Variants in DCC observed in about 807,000 individuals in gnomAD.
DCC encodes DCC netrin 1 receptor.
DCC carries 58 observed loss-of-function variants against 172.5 expected under a neutral mutation model. The observed-to-expected ratio is 0.34, with a 90% CI of 0.27 to 0.42. DCC has a LOEUF of 0.42. Ranked by LOEUF, DCC falls within the 10% of genes least tolerant of loss-of-function variation. The pLI, the probability that DCC is intolerant of heterozygous loss-of-function variation, is 1.00. For missense variants in DCC, 1,740 were observed against 1,791.0 expected (o/e 0.97, Z 0.51); for synonymous variants, 709 against 644.5 (o/e 1.10, Z -1.52).
chr18:53,388,797 T>A (rs1475714746), intron 16 of DCC, among the ~76,000 whole-genome samples: 1 of 152,214 alleles, frequency 6.6e-6, no homozygotes, highest in Non-Finnish European at 1.5e-5. Context: ...AAAGTTCATT[T>A]TTTTTGAGAT....
chr18:52,975,784 G>A (rs1360527197), intron 5 of DCC, among the ~76,000 whole-genome samples: 1 of 152,172 alleles, frequency 6.6e-6, no homozygotes, highest in African/African-American at 2.4e-5. Flanking sequence ...TTGATTCCAT[G>A]TGTTTGCTAT....
chr18:53,482,045 C>A (rs368187681), intron 25 of DCC, among the ~76,000 whole-genome samples: 46 of 151,860 alleles, frequency 3.0e-4, no homozygotes, highest in African/African-American at 1.0e-3. Flanking sequence ...TGAGTTGAAG[C>A]ATTTGTGTGT....
intron 7 of DCC, among the ~76,000 whole-genome samples, chr18:53,108,182 A>ACAC (rs111941549): frequency 2.0e-5 from 3 of 151,142 alleles, no homozygotes; most frequent in South Asian, 2.1e-4. Context: ...TACACAGAAA[A>ACAC]ACACACACAC....
chr18:52,625,580 ACATGCTT>A (rs2034558428), intron 1 of DCC, among the ~76,000 whole-genome samples: 1 of 152,110 alleles, frequency 6.6e-6, no homozygotes, highest in South Asian at 2.1e-4. Context: ...CATTACATTA[ACATGCTT>A]TGGTGTTGTC....
At chr18:53,050,969 C>T (rs1444085035) in intron 5 of DCC, among the ~76,000 whole-genome samples, 1 of 152,154 alleles carries the variant, frequency 6.6e-6, no homozygotes, top group Non-Finnish European at 1.5e-5. Context: ...GTGGCTTATG[C>T]CTGTAATTTC....
At chr18:52,402,927 C>A (rs1022408397) in intron 1 of DCC, among the ~76,000 whole-genome samples, 7 of 152,012 alleles carry the variant, frequency 4.6e-5, no homozygotes, top group Non-Finnish European at 1.0e-4. Context: ...ATTATTAAAA[C>A]AGTACAGTCA....
At chr18:53,517,448 TAATAATAATAATAA>T (rs1364967890) in intron 27 of DCC, among the ~76,000 whole-genome samples, 1 of 140,716 alleles carries the variant, frequency 7.1e-6, no homozygotes, top group Non-Finnish European at 1.5e-5. Context: ...TAAAATATAA[TAATAATAATAATAA>T]TAATAATAAT....
chr18:52,458,088 C>G (rs1228999776), intron 1 of DCC, among the ~76,000 whole-genome samples: 2 of 152,190 alleles, frequency 1.3e-5, no homozygotes, highest in Non-Finnish European at 2.9e-5. Context: ...CACTGGCACA[C>G]AGAAGCCTAT....
chr18:53,402,963 C>T (rs1434497228), intron 19 of DCC, 70 bp downstream of exon 19: 25 of 1,059,060 alleles, frequency 2.4e-5, no homozygotes, highest in Non-Finnish European at 3.6e-5. Flanking sequence ...CCTACATGAG[C>T]TGCTCCTGCC....
chr18:53,429,109 T>G (rs867527368), intron 21 of DCC, among the ~76,000 whole-genome samples: 1 of 86,800 alleles, frequency 1.2e-5, no homozygotes, highest in Non-Finnish European at 2.6e-5. Flanking sequence ...ATATATAATA[T>G]ATATATTTTA....
At chr18:52,621,915 G>A (rs17828701) in intron 1 of DCC, among the ~76,000 whole-genome samples, 3,215 of 152,212 alleles carry the variant, frequency 0.021, 105 homozygotes, top group East Asian at 0.091. Context: ...CACAACTCCA[G>A]ACTTGCTAAT....
chr18:52,549,127 A>G (rs536435163), intron 1 of DCC, among the ~76,000 whole-genome samples: 1 of 151,892 alleles, frequency 6.6e-6, no homozygotes, highest in Non-Finnish European at 1.5e-5. Context: ...ACAAACTTAA[A>G]CCTTCAGTGA....
chr18:52,998,193 C>A (rs544980850), intron 5 of DCC, among the ~76,000 whole-genome samples: 1 of 151,980 alleles, frequency 6.6e-6, no homozygotes. Context: ...ATGGGCAGTG[C>A]GGGAATAGAA....
chr18:52,900,317 A>T (rs1190043749), intron 2 of DCC, among the ~76,000 whole-genome samples: 1 of 152,228 alleles, frequency 6.6e-6, no homozygotes, highest in African/African-American at 2.4e-5. Flanking sequence ...ACAAAGTAAC[A>T]TATAAGTAGA....
chr18:52,714,118 C>T (rs80298190), intron 1 of DCC, among the ~76,000 whole-genome samples: 5,295 of 152,242 alleles, frequency 0.035, 145 homozygotes, highest in East Asian at 0.085. Flanking sequence ...CTATGACTAT[C>T]GCTAACCTAC....
At chr18:53,046,025 C>T (rs533607832) in intron 5 of DCC, among the ~76,000 whole-genome samples, 1 of 151,778 alleles carries the variant, frequency 6.6e-6, no homozygotes, top group African/African-American at 2.4e-5. Flanking sequence ...GAAATCCTCA[C>T]TTATAAAGCA....
intron 27 of DCC, among the ~76,000 whole-genome samples, chr18:53,504,691 A>AT (rs2046148076): frequency 6.6e-6 from 1 of 152,230 alleles, no homozygotes; most frequent in African/African-American, 2.4e-5. Context: ...TTAATAAATT[A>AT]GTATTTCCTC....
At chr18:53,276,550 C>T (rs1037370487) in intron 12 of DCC, among the ~76,000 whole-genome samples, 1 of 152,010 alleles carries the variant, frequency 6.6e-6, no homozygotes, top group Non-Finnish European at 1.5e-5. Context: ...TTCCTAATGC[C>T]ATGTGACCTC....
chr18:53,296,963 A>G (rs2057074730), intron 12 of DCC, among the ~76,000 whole-genome samples: 1 of 152,218 alleles, frequency 6.6e-6, no homozygotes, highest in Non-Finnish European at 1.5e-5. Context: ...TTGCTAGAGT[A>G]ACTGACTGTG....
Sources: gnomAD v4.1 joint callset for allele counts (sites outside exome capture counted in the v4.1 genomes callset) on GRCh38, gnomAD v4.1.1 for gene constraint, MANE v1.5 for transcripts, NCBI Gene and HGNC (gene_info 2026-07-23, HGNC 2026-07-21) for gene names.